ROBO2: variants seen among roughly 807,000 people sequenced by gnomAD.
ROBO2 encodes the protein roundabout guidance receptor 2.
Under a neutral mutation model 160.8 loss-of-function variants are expected in ROBO2, and 53 were observed. That is an observed-to-expected ratio of 0.33 (90% CI 0.26 to 0.41). ROBO2 has a LOEUF of 0.41. ROBO2 is among the 10% of genes least tolerant of loss of function. The probability of loss-of-function intolerance (pLI) is 1.00; values close to 1 mark genes in which losing one functional copy is unlikely to be tolerated. For synonymous variants in ROBO2, 664 were observed against 611.7 expected (o/e 1.09, Z -1.26); for missense variants, 1,577 against 1,722.4 (o/e 0.92, Z 1.49).
Position 76,539,500 on chromosome 3 carries a change from T to G in ROBO2, c.110-558514T>G, listed in dbSNP as rs181764500. Among the ~76,000 whole-genome samples, 525 of 152,304 alleles carry G rather than the reference T, an allele frequency of 3.4e-3. 2 individuals carry two copies. Among genetic ancestry groups the G allele is most frequent in the Middle Eastern group, 6.8e-3 (2 of 294 alleles). On this transcript the variant is annotated intron_variant, in intron 2 of 26. Coordinates refer to the ROBO2 transcript ENST00000487694. The stretch of plus-strand genomic sequence containing the variant: ...CATATTTTTTCCCTGATAAAAAATG[T>G]TCGAGTTGTATTATCCATCCTGTTT...
At chr3:76,837,371 C>A (rs867801392) in intron 2 of ROBO2, among the ~76,000 whole-genome samples, 9 of 151,978 alleles carry the variant, frequency 5.9e-5, no homozygotes, top group Middle Eastern at 3.4e-3. Flanking sequence ...CCTCAAGAAT[C>A]AACTACCTAC....
intron 2 of ROBO2, among the ~76,000 whole-genome samples, chr3:77,353,273 A>G (rs1464423808): frequency 6.6e-6 from 1 of 152,170 alleles, no homozygotes; most frequent in African/African-American, 2.4e-5. Context: ...GGGTGCTGTC[A>G]ATAGTGTAAA....
At chr3:76,904,811 C>T (rs755796885) in intron 2 of ROBO2, among the ~76,000 whole-genome samples, 1 of 152,152 alleles carries the variant, frequency 6.6e-6, no homozygotes, top group Non-Finnish European at 1.5e-5. Context: ...AAACATAAAG[C>T]TCTTATTTGC....
intron 2 of ROBO2, among the ~76,000 whole-genome samples, chr3:76,778,956 C>T (rs900082938): frequency 6.6e-6 from 1 of 151,064 alleles, no homozygotes; most frequent in Non-Finnish European, 1.5e-5. Context: ...ACACAATCAG[C>T]AACATCACAT....
intron 1 of ROBO2, among the ~76,000 whole-genome samples, chr3:77,053,879 C>T (rs866664203): frequency 9.2e-5 from 14 of 152,042 alleles, no homozygotes; most frequent in South Asian, 4.1e-4. Flanking sequence ...CAGGAGTTGG[C>T]GCAAGGAGAG....
intron 2 of ROBO2, among the ~76,000 whole-genome samples, chr3:76,980,622 T>C (rs943080701): frequency 3.9e-5 from 6 of 152,208 alleles, no homozygotes; most frequent in Admixed American, 3.9e-4. Flanking sequence ...GGAAGTGGGT[T>C]TAACTTTATT....
chr3:76,723,200 A>C (rs2093492600), intron 2 of ROBO2, among the ~76,000 whole-genome samples: 1 of 152,218 alleles, frequency 6.6e-6, no homozygotes, highest in Admixed American at 6.5e-5. Flanking sequence ...GTATTACAAT[A>C]GTATACATTC....
chr3:77,132,780 G>A (rs996325069), intron 2 of ROBO2, among the ~76,000 whole-genome samples: 5 of 151,928 alleles, frequency 3.3e-5, no homozygotes, highest in Admixed American at 3.3e-4. Flanking sequence ...GAAAAATGAA[G>A]ATTACTAAAG....
intron 2 of ROBO2, among the ~76,000 whole-genome samples, chr3:76,401,081 G>A (rs1208151155): frequency 2.0e-5 from 3 of 151,456 alleles, no homozygotes; most frequent in Admixed American, 6.6e-5. Context: ...AATGAGATAG[G>A]AAACATTGAT....
At chr3:76,266,661 A>C (rs1450553255) in intron 2 of ROBO2, among the ~76,000 whole-genome samples, 2 of 152,142 alleles carry the variant, frequency 1.3e-5, no homozygotes, top group Admixed American at 6.6e-5. Context: ...GAAACGAAGC[A>C]CAAAAAGGCT....
At chr3:76,810,665 T>C (rs2065090543) in intron 2 of ROBO2, among the ~76,000 whole-genome samples, 1 of 152,144 alleles carries the variant, frequency 6.6e-6, no homozygotes, top group African/African-American at 2.4e-5. Flanking sequence ...GACTACTGAA[T>C]ATTATCATTT....
intron 2 of ROBO2, among the ~76,000 whole-genome samples, chr3:76,030,707 T>G (rs1409516902): frequency 6.6e-6 from 1 of 152,210 alleles, no homozygotes; most frequent in East Asian, 1.9e-4. Flanking sequence ...GAGGCCTCTG[T>G]TCTGTTCCAT....
At chr3:77,492,549 T>TA (rs1000488275) in intron 4 of ROBO2, among the ~76,000 whole-genome samples, 46 of 149,880 alleles carry the variant, frequency 3.1e-4, no homozygotes, top group East Asian at 1.2e-3. Context: ...TAAAATTAAG[T>TA]AAAAAAAAAT....
At chr3:76,834,000 T>TCTTGCTTTCTTTC (rs1418426248) in intron 2 of ROBO2, among the ~76,000 whole-genome samples, 1 of 131,494 alleles carries the variant, frequency 7.6e-6, no homozygotes, top group Non-Finnish European at 1.6e-5. Context: ...TTTCTTTCCT[T>TCTTGCTTTCTTTC]CTTTCTTTCT....
chr3:76,628,824 C>T (rs975811034), intron 2 of ROBO2, among the ~76,000 whole-genome samples: 1 of 152,154 alleles, frequency 6.6e-6, no homozygotes, highest in African/African-American at 2.4e-5. Context: ...CACAGAATTT[C>T]CTCCATAAAT....
chr3:77,223,153 G>C (rs150156013), intron 2 of ROBO2, among the ~76,000 whole-genome samples: 1 of 152,216 alleles, frequency 6.6e-6, no homozygotes, highest in African/African-American at 2.4e-5. Flanking sequence ...TAGCTACACT[G>C]TTTTAGTTAT....
At chr3:77,136,627 AC>A (rs1269691532) in intron 2 of ROBO2, among the ~76,000 whole-genome samples, 1 of 150,836 alleles carries the variant, frequency 6.6e-6, no homozygotes, top group Admixed American at 6.6e-5. Flanking sequence ...AGCATGTGCC[AC>A]TACACCCAAT....
At chr3:76,904,361 A>G (rs1028988482) in intron 2 of ROBO2, among the ~76,000 whole-genome samples, 1 of 152,236 alleles carries the variant, frequency 6.6e-6, no homozygotes, top group African/African-American at 2.4e-5. Flanking sequence ...CTTTCAGTAC[A>G]TTTTCTGATG....
chr3:76,123,183 C>A (rs2070824432), intron 2 of ROBO2, among the ~76,000 whole-genome samples: 1 of 152,092 alleles, frequency 6.6e-6, no homozygotes, highest in South Asian at 2.1e-4. Flanking sequence ...CTTTTTAATT[C>A]ATGGTGAAAA....
Sources: allele counts gnomAD v4.1 joint callset (sites outside exome capture counted in the v4.1 genomes callset), GRCh38; gene constraint gnomAD v4.1.1; transcripts MANE v1.5; gene names NCBI Gene and HGNC (gene_info 2026-07-23, HGNC 2026-07-21).